HCK: variants seen among roughly 807,000 people sequenced by gnomAD.
HCK encodes tyrosine-protein kinase HCK.
Under a neutral mutation model 70.4 loss-of-function variants are expected in HCK, and 40 were observed. The ratio of observed to expected loss-of-function variants is 0.57; its 90% CI spans 0.44 to 0.74. The LOEUF is 0.74. Ranked by LOEUF, HCK falls within the 30% of genes least tolerant of loss-of-function variation. The pLI, the probability that HCK is intolerant of heterozygous loss-of-function variation, is 0.00. For missense variants in HCK, 568 were observed against 697.2 expected (o/e 0.81, Z 2.09); for synonymous variants, 245 against 263.2 (o/e 0.93, Z 0.67).
At chr20:32,057,000 C>A (rs1002034874) in intron 1 of HCK, among the ~76,000 whole-genome samples, 12 of 152,216 alleles carry the variant, frequency 7.9e-5, no homozygotes, top group Non-Finnish European at 1.5e-5. Context: ...ACCCCTCCAC[C>A]CGCAGCGATT....
chr20:32,075,898 A>G (rs2045616839), intron 5 of HCK, among the ~76,000 whole-genome samples: 1 of 152,194 alleles, frequency 6.6e-6, no homozygotes, highest in Non-Finnish European at 1.5e-5. Context: ...AAACCAGCCA[A>G]TCAAAAGTTG....
At chr20:32,056,274 G>A (rs991949638) in intron 1 of HCK, among the ~76,000 whole-genome samples, 1 of 152,212 alleles carries the variant, frequency 6.6e-6, no homozygotes, top group Non-Finnish European at 1.5e-5. Context: ...AGCACTCTGG[G>A]AGGCTGAGGC....
At position 32,079,919 on chromosome 20, in the gene HCK, C is replaced by T. The variant is rs539642709; in HGVS notation, c.532+42C>T. 5.7e-6 allele frequency: 8 copies of T among 1,415,534 alleles called. No individual in the cohort carries two copies. In the South Asian group the frequency reaches 5.8e-5, roughly 10 times the overall value. 87.7% of individuals were successfully genotyped at this position (1,415,534 alleles called of 1,614,324 possible). A position where few individuals can be genotyped will look rare whatever the true frequency, so the allele number is the denominator to read the frequency against. ...CCACCTTGTCCTCCCTGCCGAGGTG[C>T]CCCAGCTGGGGCTGGCCACCACCCT... On this transcript the variant is annotated intron_variant, in intron 6 of 12. Coordinates refer to ENST00000375852, the MANE Select transcript of HCK (RefSeq NM_002110.5).
chr20:32,063,577 C>T (rs575915141), intron 1 of HCK, among the ~76,000 whole-genome samples: 1 of 152,248 alleles, frequency 6.6e-6, no homozygotes, highest in East Asian at 1.9e-4. Flanking sequence ...TAAGGCATGG[C>T]TTCAGTGCCA....
At chr20:32,073,625 T>C (rs2045576075) in intron 3 of HCK, 91 bp from the exon 4 acceptor site, 1 of 812,842 alleles carries the variant, frequency 1.2e-6, no homozygotes, top group African/African-American at 1.7e-5. Context: ...TATCGATGGG[T>C]GCGGAGCTGT....
chr20:32,078,906 C>T lies in HCK; in HGVS notation c.429-868C>T, dbSNP rs188818230. Reference sequence around the variant, plus strand: ...GGGGGGAATGATAAAGGTGACAACTCCATAGAGCTGTTGGGTGGATAGCAA... The same window carrying T: ...GGGGGGAATGATAAAGGTGACAACTTCATAGAGCTGTTGGGTGGATAGCAA... On this transcript the variant is annotated intron_variant, in intron 5 of 12. Transcript: ENST00000375852. Among the ~76,000 whole-genome samples the T allele has an allele frequency of 2.1e-3, 299 of 145,380 alleles. 3 individuals are homozygous for T. Among genetic ancestry groups the T allele is most frequent in the Non-Finnish European group, 2.0e-3 (133 of 66,986 alleles).
intron 9 of HCK, among the ~76,000 whole-genome samples, chr20:32,087,696 C>T (rs879667181): frequency 6.6e-6 from 1 of 151,884 alleles, no homozygotes; most frequent in Admixed American, 6.6e-5. Context: ...GGCTGGAGTG[C>T]AGTGGCACAA....
At chr20:32,094,789 GA>G (rs370294567) in intron 11 of HCK, among the ~76,000 whole-genome samples, 755 of 20,132 alleles carry the variant, frequency 0.038, 27 homozygotes, top group African/African-American at 0.06. Flanking sequence ...GAGAGAAAGA[GA>G]AAGAAAGAAA....
intron 11 of HCK, among the ~76,000 whole-genome samples, chr20:32,098,460 C>A (rs1009803374): frequency 1.3e-5 from 2 of 151,920 alleles, no homozygotes; most frequent in Non-Finnish European, 2.9e-5. Flanking sequence ...TGTGCCACTG[C>A]GCTCCAGCCT....
chr20:32,088,831 C>T (rs1412855722), intron 10 of HCK, among the ~76,000 whole-genome samples, 187 bp downstream of exon 10: 4 of 152,170 alleles, frequency 2.6e-5, no homozygotes, highest in African/African-American at 9.7e-5. Context: ...TTTAATCATC[C>T]TATAAGCTTT....
At chr20:32,091,808 TTA>T (rs1491551258) in intron 10 of HCK, among the ~76,000 whole-genome samples, 1 of 108,578 alleles carries the variant, frequency 9.2e-6, no homozygotes. Context: ...CTCTTCTCTA[TTA>T]AAAAAAAAAA....
intron 2 of HCK, 157 bp downstream of exon 2, chr20:32,071,939 G>A (rs558569285): frequency 2.2e-5 from 19 of 856,308 alleles, no homozygotes; most frequent in African/African-American, 3.5e-5. Flanking sequence ...TCTCCGGGAC[G>A]CAGCGCCAGC....
At chr20:32,093,490 C>CGTGTGTGTGTGTGTGT (rs3073297) in intron 10 of HCK, among the ~76,000 whole-genome samples, 66 of 146,416 alleles carry the variant, frequency 4.5e-4, no homozygotes, top group South Asian at 8.9e-4. Flanking sequence ...TCCTAGGGTT[C>CGTGTGTGTGTGTGTGT]GTGTGTGTGT....
At chr20:32,059,136 T>C (rs2045322108) in intron 1 of HCK, among the ~76,000 whole-genome samples, 1 of 152,148 alleles carries the variant, frequency 6.6e-6, no homozygotes, top group Non-Finnish European at 1.5e-5. Flanking sequence ...AGCCTCTGCT[T>C]CAACATACAT....
At chr20:32,067,606 A>C (rs905617063) in intron 1 of HCK, among the ~76,000 whole-genome samples, 23 of 136,868 alleles carry the variant, frequency 1.7e-4, no homozygotes, top group African/African-American at 6.3e-4. Flanking sequence ...AAAGTATGGC[A>C]CGCCAGGCAT....
At chr20:32,076,445 C>T (rs1381456613) in intron 5 of HCK, among the ~76,000 whole-genome samples, 2 of 152,186 alleles carry the variant, frequency 1.3e-5, no homozygotes, top group African/African-American at 4.8e-5. Flanking sequence ...TTCTCCACTC[C>T]AGGGTCTGAA....
chr20:32,069,762 G>A (rs1357464124), intron 1 of HCK: 1 of 1,277,470 alleles, frequency 7.8e-7, no homozygotes, highest in South Asian at 1.3e-5. Context: ...GTAAATCCTT[G>A]TAAATAAAAG....
intron 10 of HCK, among the ~76,000 whole-genome samples, chr20:32,092,042 T>G (rs1215965406): frequency 6.6e-6 from 1 of 151,824 alleles, no homozygotes; most frequent in Non-Finnish European, 1.5e-5. Context: ...TCTAACTGCC[T>G]CGGGTGCCCC....
At chr20:32,065,121 T>C (rs931120308) in intron 1 of HCK, among the ~76,000 whole-genome samples, 2 of 152,248 alleles carry the variant, frequency 1.3e-5, no homozygotes, top group African/African-American at 4.8e-5. Context: ...GCAAATGACT[T>C]GCTCAAGGTC....
Sources: gnomAD v4.1 joint callset for allele counts (sites outside exome capture counted in the v4.1 genomes callset) on GRCh38, gnomAD v4.1.1 for gene constraint, MANE v1.5 for transcripts, NCBI Gene and HGNC (gene_info 2026-07-23, HGNC 2026-07-21) for gene names.